ABL2: variants seen among roughly 807,000 people sequenced by gnomAD.
ABL2 encodes the protein ABL proto-oncogene 2, non-receptor tyrosine kinase, also known as tyrosine-protein kinase ABL2.
Under a neutral mutation model 107.7 loss-of-function variants are expected in ABL2, and 49 were observed. The observed-to-expected ratio is 0.45, with a 90% confidence interval of 0.36 to 0.58. The LOEUF (loss-of-function observed/expected upper bound fraction) is 0.58, where lower values mean the gene tolerates loss of function less well. Among genes scored for constraint, ABL2 ranks in the 20% least tolerant of loss-of-function variants. ABL2 has a pLI of 0.00. For synonymous variants in ABL2, 549 were observed against 548.6 expected, an observed-to-expected ratio of 1.00 and a Z score of -0.01; for missense variants, 1,245 against 1,457.0, an observed-to-expected ratio of 0.85 and a Z score of 2.37.
intron 1 of ABL2, among the ~76,000 whole-genome samples, chr1:179,228,309 T>G (rs1362205107): frequency 6.6e-6 from 1 of 151,816 alleles, no homozygotes; most frequent in Non-Finnish European, 1.5e-5. Flanking sequence ...ATCCCGCCAT[T>G]GCACTCCATC....
intron 1 of ABL2, among the ~76,000 whole-genome samples, chr1:179,140,477 C>G (rs1657472612): frequency 6.6e-6 from 1 of 152,132 alleles, no homozygotes; most frequent in African/African-American, 2.4e-5. Flanking sequence ...GTATAATTTA[C>G]TTATTTATTA....
intron 1 of ABL2, among the ~76,000 whole-genome samples, chr1:179,164,555 G>A (rs1417170454): frequency 6.6e-6 from 1 of 152,132 alleles, no homozygotes; most frequent in African/African-American, 2.4e-5. Context: ...TGAAAGGAAT[G>A]TGCCAATCCT....
At chr1:179,155,047 G>C (rs1353120508) in intron 1 of ABL2, among the ~76,000 whole-genome samples, 2 of 152,166 alleles carry the variant, frequency 1.3e-5, no homozygotes, top group East Asian at 3.8e-4. Context: ...ACTTGTTCAA[G>C]TCCCAAAGCT....
intron 1 of ABL2, 71 bp downstream of exon 1, chr1:179,229,170 G>GGCCCCCCCCCCCCCCCCCCCCCCCCCC: frequency 1.9e-5 from 5 of 266,254 alleles, no homozygotes; most frequent in Non-Finnish European, 1.4e-5. Flanking sequence ...CAGCCCGTCC[G>GGCCCCCCCCCCCCCCCCCCCCCCCCCC]CCACCCACCC....
In ABL2 at chr1:179,126,660, C is replaced by T. The variant is rs1455432470; in HGVS notation, c.404G>A (p.Arg135Gln). ...TLSITKGEKL[R>Q]VLGYNQNGEW... Reference sequence around the variant, plus strand: ...ACCATTCTGGTTGTAACCAAGGACTCGTAGCTTTTCACCTAGCCATAAGGT... The same window carrying T: ...ACCATTCTGGTTGTAACCAAGGACTTGTAGCTTTTCACCTAGCCATAAGGT... Residue 135 changes from arginine to glutamine, a missense_variant, in exon 4 of 12, where the codon CGA becomes CAA. Arg to Gln is a conservative substitution (Grantham distance 43, BLOSUM62 1). Around this residue, in one of 3 missense-constraint regions of ABL2, gnomAD observed 320 missense variants for 547.0 expected, o/e 0.59. Coordinates refer to ENST00000502732, the MANE Select transcript of ABL2 (RefSeq NM_007314.4). The surrounding 1 kb of genome is among the most constrained non-coding windows in gnomAD (Gnocchi z 4.4). The T allele has an allele frequency of 5.6e-6, 9 of 1,611,704 alleles. No homozygotes were observed. Among genetic ancestry groups the T allele is most frequent in the Non-Finnish European group, 6.8e-6 (8 of 1,178,252 alleles).
At chr1:179,197,101 A>G (rs569032520) in intron 1 of ABL2, among the ~76,000 whole-genome samples, 147 of 152,340 alleles carry the variant, frequency 9.6e-4, no homozygotes, top group Non-Finnish European at 1.8e-3. Context: ...TCAAGAGGGA[A>G]AGAAAAGAAA....
intron 1 of ABL2, among the ~76,000 whole-genome samples, chr1:179,136,807 T>C (rs1160586791): frequency 1.3e-5 from 2 of 151,154 alleles, no homozygotes; most frequent in Non-Finnish European, 2.9e-5. Flanking sequence ...TCCCAGCTAC[T>C]TCGGAGGCTG....
At position 179,101,203 on chromosome 1, in the gene ABL2, G is replaced by C. The variant is rs781722873; in HGVS notation, c.*6515C>G. On this transcript the variant is annotated 3_prime_UTR_variant, in exon 12 of 12. Coordinates refer to ENST00000502732, the MANE Select transcript of ABL2 (RefSeq NM_007314.4). ...CATCTTTGAAGGCACAAATCTCCAA[G>C]GGTGGCCTCTCAGCAGTTTCTGCCA... is the stretch of plus-strand genomic sequence containing the variant. 2.2e-5 allele frequency: 5 copies of C among 224,682 alleles called. No individual in the cohort carries two copies. The highest frequency in any genetic ancestry group is 4.4e-5 in the Non-Finnish European group (5 of 112,848). The allele number at this position is 224,682 out of a possible 1,614,324, so 13.9% of individuals were successfully genotyped here.
intron 1 of ABL2, among the ~76,000 whole-genome samples, chr1:179,151,760 C>T (rs1232060061): frequency 3.3e-5 from 5 of 152,028 alleles, no homozygotes; most frequent in Admixed American, 3.3e-4. Flanking sequence ...TTCAATTTCT[C>T]CCTAACAAGA....
chr1:179,129,980 C>T (rs1656131677), intron 3 of ABL2, among the ~76,000 whole-genome samples: 1 of 152,192 alleles, frequency 6.6e-6, no homozygotes, highest in African/African-American at 2.4e-5. Context: ...CACTCTGTCG[C>T]CCAGGCTGGG....
chr1:179,118,496 G>T, intron 7 of ABL2, 91 bp downstream of exon 7: 1 of 1,348,682 alleles, frequency 7.4e-7, no homozygotes, highest in South Asian at 1.3e-5. Context: ...TGAATCATCT[G>T]AAATTTTCTG....
intron 1 of ABL2, among the ~76,000 whole-genome samples, chr1:179,146,237 G>A (rs1657980597): frequency 1.3e-5 from 2 of 152,184 alleles, no homozygotes; most frequent in South Asian, 2.1e-4. Flanking sequence ...ATAGGATGGT[G>A]GCAGTGGAGA....
chr1:179,136,119 C>T (rs1269046334), intron 1 of ABL2, among the ~76,000 whole-genome samples: 1 of 151,080 alleles, frequency 6.6e-6, no homozygotes, highest in Non-Finnish European at 1.5e-5. Flanking sequence ...CCAGCCACCC[C>T]GTCCGGGAGG....
In ABL2 at chr1:179,101,032, A is replaced by G; in HGVS notation, c.*6686T>C. On this transcript the variant is annotated 3_prime_UTR_variant, in exon 12 of 12. Coordinates refer to ENST00000502732, the MANE Select transcript of ABL2 (RefSeq NM_007314.4). ...CAGCAACTGCCAAGTGAACACTCTC[A>G]GGAAACCACTTCAAGTGGCGGATTC... 8.6e-6 allele frequency: 2 copies of G among 232,572 alleles called. No homozygotes were observed. The highest frequency in any genetic ancestry group is 1.7e-5 in the Non-Finnish European group (2 of 117,616). 14.4% of individuals were successfully genotyped at this position (232,572 alleles called of 1,614,324 possible).
chr1:179,107,597 A>T lies in ABL2; in HGVS notation c.*121T>A, dbSNP rs1653553734. 10 of 1,490,382 alleles carry T rather than the reference A, an allele frequency of 6.7e-6. No homozygotes were observed. In the South Asian group the frequency reaches 1.4e-4, roughly 21 times the overall value. 92.3% of individuals were successfully genotyped at this position (1,490,382 alleles called of 1,614,324 possible). On this transcript the variant is annotated 3_prime_UTR_variant, in exon 12 of 12. Transcript: ENST00000502732. ...ACGTGAGAACTCAGGGATCTGAGGTACTTCACATAAACACACTCAAGTATG... is the reference window on the plus strand; with the variant it reads ...ACGTGAGAACTCAGGGATCTGAGGTTCTTCACATAAACACACTCAAGTATG...
intron 8 of ABL2, among the ~76,000 whole-genome samples, chr1:179,115,678 AG>A (rs1014359247): frequency 1.7e-4 from 26 of 151,760 alleles, no homozygotes; most frequent in Admixed American, 9.9e-4. Context: ...CAGGCATCCA[AG>A]GGGGGGGTCT....
At chr1:179,187,743 TACTA>T (rs1660755943) in intron 1 of ABL2, among the ~76,000 whole-genome samples, 2 of 152,276 alleles carry the variant, frequency 1.3e-5, no homozygotes, top group African/African-American at 4.8e-5. Context: ...GAAGAAATAA[TACTA>T]ACTAAATTTG....
At chr1:179,170,528 T>C (rs1319109218) in intron 1 of ABL2, among the ~76,000 whole-genome samples, 1 of 152,140 alleles carries the variant, frequency 6.6e-6, no homozygotes, top group Non-Finnish European at 1.5e-5. Flanking sequence ...GCGATTCCCC[T>C]GCCTCAGCTT....
chr1:179,194,701 T>C (rs1661202840), intron 1 of ABL2, among the ~76,000 whole-genome samples: 2 of 152,192 alleles, frequency 1.3e-5, no homozygotes, highest in African/African-American at 4.8e-5. Context: ...CTCTCAGATT[T>C]CTGACACTCA....
Sources: gnomAD v4.1 joint callset for allele counts (sites outside exome capture counted in the v4.1 genomes callset) on GRCh38, gnomAD v4.1.1 for gene constraint, gnomAD v4.1.1 regional missense constraint, Gnocchi (gnomAD v3.1) non-coding constraint, MANE v1.5 for transcripts, NCBI Gene and HGNC (gene_info 2026-07-23, HGNC 2026-07-21) for gene names.